Variants in MGAT4D observed in about 807,000 individuals in gnomAD.
The protein encoded by MGAT4D is MGAT4 family member D.
Under a neutral mutation model 15.9 loss-of-function variants are expected in MGAT4D, and 34 were observed. That is an observed-to-expected ratio of 2.14 (90% CI 1.62 to 2.84). The LOEUF is 2.84. Among genes scored for constraint, MGAT4D ranks in the 30% most tolerant of loss-of-function variants. MGAT4D has a pLI of 0.00. For synonymous variants in MGAT4D, 112 were observed against 48.2 expected, an observed-to-expected ratio of 2.33 and a Z score of -5.49; for missense variants, 327 against 140.2, an observed-to-expected ratio of 2.33 and a Z score of -6.73.
Position 140,456,585 on chromosome 4 carries a change from T to G in MGAT4D, c.1008+4A>C, listed in dbSNP as rs1018345420. Reference sequence around the variant, plus strand: ...TATTTGGTATTCATAAAGTAAATACTCACAAGATCTTCTCCTGCGTCACAC... The same window carrying G: ...TATTTGGTATTCATAAAGTAAATACGCACAAGATCTTCTCCTGCGTCACAC... On this transcript the variant is annotated splice_donor_region_variant and intron_variant, in intron 9 of 10. Coordinates refer to ENST00000511113, the MANE Select transcript of MGAT4D (RefSeq NM_001277353.2). 4.6e-6 allele frequency: 3 copies of G among 647,154 alleles called. No individual in the cohort carries two copies. The highest frequency in any genetic ancestry group is 3.6e-5 in the African/African-American group (2 of 54,904). 40.1% of individuals were successfully genotyped at this position (647,154 alleles called of 1,614,324 possible).
chr4:140,491,202 G>T (rs190103028), intron 1 of MGAT4D, among the ~76,000 whole-genome samples: 2 of 152,086 alleles, frequency 1.3e-5, no homozygotes, highest in South Asian at 2.1e-4. Context: ...TTACAGCTGC[G>T]TCTGAGAACT....
At position 140,443,066 on chromosome 4, in the gene MGAT4D, G is replaced by C. The variant is rs1000872822; in HGVS notation, c.*370C>G. 2.6e-5 allele frequency: 4 copies of C among 154,032 alleles called. No homozygotes were observed. The highest frequency in any genetic ancestry group is 4.8e-5 in the African/African-American group (2 of 41,532). The allele number at this position is 154,032 out of a possible 1,614,324, so 9.5% of individuals were successfully genotyped here. A position where few individuals can be genotyped will look rare whatever the true frequency, so the allele number is the denominator to read the frequency against. ...TTTCTTTAGGTGTCTTAACAAAATG[G>C]ATAACGGCATATACCAATTCACCCC... On this transcript the variant is annotated 3_prime_UTR_variant, in exon 11 of 11. Transcript: ENST00000511113.
chr4:140,468,516 C>A (rs985400307), intron 5 of MGAT4D, among the ~76,000 whole-genome samples: 3 of 152,076 alleles, frequency 2.0e-5, no homozygotes, highest in Non-Finnish European at 4.4e-5. Context: ...TGTCAGGAGT[C>A]TCCTATAAGA....
intron 1 of MGAT4D, among the ~76,000 whole-genome samples, chr4:140,484,280 C>T (rs1732944086): frequency 6.6e-6 from 1 of 152,030 alleles, no homozygotes; most frequent in Non-Finnish European, 1.5e-5. Flanking sequence ...TGGCCAAGTA[C>T]ATAAAAAAGT....
intron 5 of MGAT4D, among the ~76,000 whole-genome samples, chr4:140,471,010 T>C (rs1316276399): frequency 6.6e-6 from 1 of 151,704 alleles, no homozygotes. Flanking sequence ...TCAGCCTCCC[T>C]AGTAGCTAGG....
intron 5 of MGAT4D, among the ~76,000 whole-genome samples, chr4:140,468,955 T>G (rs1006962115): frequency 6.6e-6 from 1 of 152,150 alleles, no homozygotes; most frequent in African/African-American, 2.4e-5. Context: ...TTGGTCTCAG[T>G]ACTGTCTAAA....
intron 8 of MGAT4D, chr4:140,459,010 G>A (rs1730990560): frequency 6.6e-6 from 1 of 152,068 alleles, no homozygotes; most frequent in African/African-American, 2.4e-5. Context: ...AGGAAGGGTA[G>A]TAAAAAAGAT....
intron 1 of MGAT4D, among the ~76,000 whole-genome samples, chr4:140,490,523 C>T (rs958239840): frequency 3.3e-5 from 5 of 152,180 alleles, no homozygotes; most frequent in African/African-American, 1.2e-4. Flanking sequence ...GACTGGAAGC[C>T]CTCCAATTAG....
At chr4:140,496,829 C>G (rs1733868983) in intron 1 of MGAT4D, among the ~76,000 whole-genome samples, 1 of 148,508 alleles carries the variant, frequency 6.7e-6, no homozygotes, top group East Asian at 2.0e-4. Context: ...AGAGTGAAAA[C>G]TCTGTCTTAA....
intron 1 of MGAT4D, among the ~76,000 whole-genome samples, chr4:140,492,647 A>G (rs190044868): frequency 6.6e-6 from 1 of 151,698 alleles, no homozygotes; most frequent in East Asian, 1.9e-4. Flanking sequence ...AAAAAAATTG[A>G]TTGTTTAAAG....
At chr4:140,487,633 G>C (rs554381755) in intron 1 of MGAT4D, among the ~76,000 whole-genome samples, 1 of 151,928 alleles carries the variant, frequency 6.6e-6, no homozygotes, top group Non-Finnish European at 1.5e-5. Context: ...TAAATCCTGC[G>C]TGTATTTTAC....
chr4:140,454,331 T>C (rs1730661829), intron 9 of MGAT4D, among the ~76,000 whole-genome samples: 1 of 152,208 alleles, frequency 6.6e-6, no homozygotes, highest in Non-Finnish European at 1.5e-5. Context: ...TTTTGAATTT[T>C]GTCAAATGAT....
Position 140,498,087 on chromosome 4 carries a change from C to T in MGAT4D, c.94+42G>A, listed in dbSNP as rs1440144576. On this transcript the variant is annotated intron_variant, in intron 1 of 10. Transcript: ENST00000511113. ...CCTGCATTCCTGCAGCCCCGAAGCC[C>T]CCGCGGCGGGAAAGGAGGCGGGAGG... 4 of 694,656 alleles carry T rather than the reference C, an allele frequency of 5.8e-6. No homozygotes were observed. In the South Asian group the frequency reaches 6.0e-5, roughly 10 times the overall value. The allele number at this position is 694,656 out of a possible 1,614,324, so 43.0% of individuals were successfully genotyped here.
intron 9 of MGAT4D, among the ~76,000 whole-genome samples, chr4:140,452,388 T>C (rs1730530262): frequency 6.6e-6 from 1 of 152,182 alleles, no homozygotes; most frequent in South Asian, 2.1e-4. Context: ...CTCTTTTAAC[T>C]GTAAAGTAAT....
chr4:140,449,395 T>C (rs888973908), intron 10 of MGAT4D, among the ~76,000 whole-genome samples: 6 of 152,150 alleles, frequency 3.9e-5, no homozygotes, highest in Admixed American at 3.9e-4. Context: ...AACTACAAGC[T>C]AGATGAATAG....
At chr4:140,468,228 C>T (rs1235886358) in intron 5 of MGAT4D, among the ~76,000 whole-genome samples, 3 of 152,012 alleles carry the variant, frequency 2.0e-5, no homozygotes, top group Non-Finnish European at 2.9e-5. Flanking sequence ...ATAATTATCA[C>T]CACTAGAATC....
At chr4:140,477,284 C>A (rs570981961) in intron 3 of MGAT4D, among the ~76,000 whole-genome samples, 1 of 152,124 alleles carries the variant, frequency 6.6e-6, no homozygotes. Context: ...TTGGCTTCAC[C>A]CTGGTATTTC....
chr4:140,486,316 C>A (rs912803032), intron 1 of MGAT4D, among the ~76,000 whole-genome samples: 3 of 152,216 alleles, frequency 2.0e-5, no homozygotes, highest in African/African-American at 7.2e-5. Context: ...GCCTACCCTG[C>A]CATCCTTTGT....
intron 3 of MGAT4D, among the ~76,000 whole-genome samples, chr4:140,476,211 A>G (rs1164962831): frequency 1.3e-5 from 2 of 151,912 alleles, no homozygotes; most frequent in African/African-American, 2.4e-5. Context: ...GATTGTATTG[A>G]TACTCTTTAT....
Sources: allele counts gnomAD v4.1 joint callset (sites outside exome capture counted in the v4.1 genomes callset), GRCh38; gene constraint gnomAD v4.1.1; transcripts MANE v1.5; gene names NCBI Gene and HGNC (gene_info 2026-07-23, HGNC 2026-07-21).